Variants in ZBTB8A observed in about 807,000 individuals in gnomAD.
ZBTB8A encodes the protein zinc finger and BTB domain containing 8A.
A neutral mutation model predicts 37.8 loss-of-function variants in ZBTB8A; 19 were observed. The ratio of observed to expected loss-of-function variants is 0.50; its 90% CI spans 0.35 to 0.74. The LOEUF is 0.74. ZBTB8A is among the 30% of genes least tolerant of loss of function. ZBTB8A has a pLI of 0.01. For missense variants in ZBTB8A, 394 were observed against 537.8 expected (o/e 0.73, Z 2.65); for synonymous variants, 181 against 185.2 (o/e 0.98, Z 0.19).
intron 2 of ZBTB8A, among the ~76,000 whole-genome samples, chr1:32,567,808 A>AAC (rs1557707630): frequency 8.7e-5 from 4 of 46,004 alleles, no homozygotes; most frequent in Non-Finnish European, 1.2e-4. Context: ...AAAAAAAAAA[A>AAC]AAAAAAAAAA....
intron 2 of ZBTB8A, among the ~76,000 whole-genome samples, chr1:32,560,151 C>T (rs1420439610): frequency 1.3e-5 from 2 of 152,108 alleles, no homozygotes; most frequent in Non-Finnish European, 2.9e-5. Flanking sequence ...TGAGAACTCA[C>T]TCACTATACA....
At chr1:32,586,046 G>A (rs1327852212) in intron 2 of ZBTB8A, among the ~76,000 whole-genome samples, 4 of 151,050 alleles carry the variant, frequency 2.6e-5, no homozygotes, top group Admixed American at 1.3e-4. Flanking sequence ...GGCCGGGCAC[G>A]GTGGCTCATG....
At chr1:32,591,434 G>T (rs971828045) in intron 2 of ZBTB8A, among the ~76,000 whole-genome samples, 1 of 151,890 alleles carries the variant, frequency 6.6e-6, no homozygotes, top group African/African-American at 2.4e-5. Context: ...GAACAGGCTG[G>T]TCTCACACTC....
chr1:32,568,657 A>G (rs1330915685), intron 2 of ZBTB8A, among the ~76,000 whole-genome samples: 2 of 152,144 alleles, frequency 1.3e-5, no homozygotes. Flanking sequence ...AAGTGCTGGG[A>G]TTACAGGCGT....
At chr1:32,571,456 A>G (rs1436489583) in intron 2 of ZBTB8A, among the ~76,000 whole-genome samples, 1 of 150,324 alleles carries the variant, frequency 6.7e-6, no homozygotes, top group African/African-American at 2.4e-5. Flanking sequence ...AGATAGCCTT[A>G]TTTTTTTTTG....
rs111741586 is a variant in ZBTB8A at position 32,576,280 on chromosome 1, T to C, written c.-1-16651T>C. Among the ~76,000 whole-genome samples the C allele has an allele frequency of 1.4e-3, 207 of 152,350 alleles. 2 individuals are homozygous for C. The highest frequency in any genetic ancestry group is 4.8e-3 in the African/African-American group (200 of 41,594). On this transcript the variant is annotated intron_variant, in intron 2 of 4. Transcript: ENST00000373510. Reference sequence around the variant, plus strand: ...GTGTGGCCTTTTAAGTAAAAGTTTGTCAACTTCTCATGTATATTATAAGAA... The same window carrying C: ...GTGTGGCCTTTTAAGTAAAAGTTTGCCAACTTCTCATGTATATTATAAGAA...
At chr1:32,551,134 A>G (rs982455773) in intron 1 of ZBTB8A, among the ~76,000 whole-genome samples, 5 of 152,178 alleles carry the variant, frequency 3.3e-5, no homozygotes, top group African/African-American at 7.2e-5. Flanking sequence ...TAGTGTGGCA[A>G]CGGGTTGTTC....
rs189779968 is a variant in ZBTB8A at position 32,543,257 on chromosome 1, G to A, written c.-84+3685G>A. On this transcript the variant is annotated intron_variant, in intron 1 of 4. Transcript: ENST00000373510. Reference sequence around the variant, plus strand: ...TGCCACCATGCCCGGCTAATTTTTTGTATTTTTAGTAGAGACGGGGTTTCA... The same window carrying A: ...TGCCACCATGCCCGGCTAATTTTTTATATTTTTAGTAGAGACGGGGTTTCA... 3.9e-5 allele frequency among the ~76,000 whole-genome samples: 6 copies of A among 151,988 alleles called. No individual in the cohort carries two copies. In the East Asian group the frequency reaches 1.2e-3, roughly 29 times the overall value.
At chr1:32,591,353 G>A (rs1030608312) in intron 2 of ZBTB8A, among the ~76,000 whole-genome samples, 6 of 151,042 alleles carry the variant, frequency 4.0e-5, no homozygotes, top group Non-Finnish European at 7.4e-5. Flanking sequence ...TAGGACTACA[G>A]GTGTTCTCCA....
intron 2 of ZBTB8A, among the ~76,000 whole-genome samples, chr1:32,555,268 A>G (rs572433513): frequency 1.3e-5 from 2 of 152,254 alleles, no homozygotes; most frequent in South Asian, 2.1e-4. Context: ...AGGCGCCTGT[A>G]GTCCCAGCTA....
chr1:32,553,217 G>GC (rs1255867210), intron 1 of ZBTB8A, among the ~76,000 whole-genome samples: 1 of 151,916 alleles, frequency 6.6e-6, no homozygotes, highest in Non-Finnish European at 1.5e-5. Context: ...CTGCCACCAT[G>GC]CCCAGCTAAT....
intron 1 of ZBTB8A, among the ~76,000 whole-genome samples, chr1:32,553,145 C>T (rs1270649270): frequency 3.3e-5 from 5 of 151,644 alleles, no homozygotes; most frequent in African/African-American, 7.3e-5. Flanking sequence ...CTGCAGCCTC[C>T]GCCTCCCGAG....
chr1:32,562,357 C>T (rs370073855), intron 2 of ZBTB8A, among the ~76,000 whole-genome samples: 6 of 151,572 alleles, frequency 4.0e-5, no homozygotes, highest in East Asian at 1.9e-4. Context: ...CCACAACCTC[C>T]GCCTCCTGGG....
rs764447007 is a variant in ZBTB8A at position 32,593,703 on chromosome 1, G to C, written c.772G>C (p.Val258Leu). 1 of 1,614,126 alleles carries C rather than the reference G, an allele frequency of 6.2e-7. No homozygotes were observed. Among genetic ancestry groups the C allele is most frequent in the Admixed American group, 1.7e-5 (1 of 60,002 alleles). The change falls in exon 3 of 5, where the codon GTT becomes CTT. Residue 258 changes from valine (V) to leucine (L), a missense_variant. Physicochemically the swap from Val to Leu is conservative, Grantham distance 32. Transcript: ENST00000373510. ...QIDAEMDSTP[V>L]GYQYGQGSDV... ...TGATGCTGAAATGGACTCTACTCCTGTTGGCTATCAGTACGGTCAAGGATC... is the reference window on the plus strand; with the variant it reads ...TGATGCTGAAATGGACTCTACTCCTCTTGGCTATCAGTACGGTCAAGGATC...
Position 32,548,628 on chromosome 1 carries a change from T to C in ZBTB8A, c.-83-4831T>C, listed in dbSNP as rs1644125712. ...GGATTACAGGCGTGAGCCTCCTTTC[T>C]GTATCCCCATTTGTATAAGACAAGA... On this transcript the variant is annotated intron_variant, in intron 1 of 4. Transcript: ENST00000373510. 1.3e-5 allele frequency among the ~76,000 whole-genome samples: 2 copies of C among 152,170 alleles called. 1 individual carries two copies. Among genetic ancestry groups the C allele is most frequent in the South Asian group, 4.1e-4 (2 of 4,826 alleles).
rs1244931048 is a variant in ZBTB8A at position 32,554,459 on chromosome 1, CTTTTATTT to C, written c.-2+920_-2+927del. 2.1e-4 allele frequency among the ~76,000 whole-genome samples: 30 copies of C among 139,626 alleles called. No individual in the cohort carries two copies. In the East Asian group the frequency reaches 3.1e-3, roughly 14 times the overall value. 91.6% of individuals were successfully genotyped at this position (139,626 alleles called of 152,430 possible). A position where few individuals can be genotyped will look rare whatever the true frequency, so the allele number is the denominator to read the frequency against. On this transcript the variant is annotated intron_variant, in intron 2 of 4. Transcript: ENST00000373510. ...ATACATATTTGAACTACATTTTAAT[CTTTTATTT>C]ATTTATTTATTTATTTATTTATTTA...
chr1:32,550,981 A>C (rs1259914774), intron 1 of ZBTB8A, among the ~76,000 whole-genome samples: 1 of 151,866 alleles, frequency 6.6e-6, no homozygotes, highest in African/African-American at 2.4e-5. Flanking sequence ...AAAAGCCACA[A>C]ATTACCACCG....
At chr1:32,559,902 G>GTAC (rs1644230851) in intron 2 of ZBTB8A, among the ~76,000 whole-genome samples, 1 of 152,166 alleles carries the variant, frequency 6.6e-6, no homozygotes. Flanking sequence ...CTTGCCACCT[G>GTAC]TACTAGTCCG....
chr1:32,553,863 G>A lies in ZBTB8A; in HGVS notation c.-2+323G>A, dbSNP rs1246851834. ...ATGGCACCATTGCACTCCAGCCTGG[G>A]CAACAAGAGCGAAACTCTGTCTCAA... On this transcript the variant is annotated intron_variant, in intron 2 of 4. Coordinates refer to ENST00000373510, the MANE Select transcript of ZBTB8A (RefSeq NM_001040441.3). Among the ~76,000 whole-genome samples, 3 of 138,620 alleles carry A rather than the reference G, an allele frequency of 2.2e-5. No individual in the cohort carries two copies. In the East Asian group the frequency reaches 6.4e-4, roughly 29 times the overall value. The allele number at this position is 138,620 out of a possible 152,430, so 90.9% of individuals were successfully genotyped here. A position where few individuals can be genotyped will look rare whatever the true frequency, so the allele number is the denominator to read the frequency against.
Sources: allele counts gnomAD v4.1 joint callset (sites outside exome capture counted in the v4.1 genomes callset), GRCh38; gene constraint gnomAD v4.1.1; transcripts MANE v1.5; gene names NCBI Gene and HGNC (gene_info 2026-07-23, HGNC 2026-07-21).